The following STAR variants were observed in gnomAD, a reference collection of about 807,000 sequenced individuals.
STAR encodes the protein steroidogenic acute regulatory protein, mitochondrial.
A neutral mutation model predicts 32.3 loss-of-function variants in STAR; 32 were observed. The observed-to-expected ratio is 0.99, with a 90% confidence interval of 0.75 to 1.33. The LOEUF is 1.33. Ranked by LOEUF, STAR falls within the 40% of genes most tolerant of loss-of-function variation. The probability of loss-of-function intolerance (pLI) is 0.00; values close to 1 mark genes in which losing one functional copy is unlikely to be tolerated. For synonymous variants in STAR, 134 were observed against 140.5 expected, an observed-to-expected ratio of 0.95 and a Z score of 0.33; for missense variants, 375 against 379.0, an observed-to-expected ratio of 0.99 and a Z score of 0.09.
At chr8:38,150,288 A>G (rs1451986911) in intron 1 of STAR, among the ~76,000 whole-genome samples, 2 of 151,952 alleles carry the variant, frequency 1.3e-5, no homozygotes, top group African/African-American at 4.8e-5. Flanking sequence ...AGTCCCAGGT[A>G]CTCAAGAGGC....
Position 38,145,309 on chromosome 8 carries a change from C to T in STAR, c.657G>A (p.Glu219=), listed in dbSNP as rs747674158. ...GAAGCACCATGCAAGTGGGACCGTG[C>T]TCCGCCCTGGCAAATGGAGAAGTCA... The part of the protein sequence containing the change: ...MPEQKGVIRA[E]HGPTCMVLHP... The change falls in exon 6 of 7, where the codon GAG becomes GAA. Residue 219 remains glutamate, a synonymous_variant. Coordinates refer to ENST00000276449, the MANE Select transcript of STAR (RefSeq NM_000349.3). 1 of 1,614,160 alleles carries T rather than the reference C, an allele frequency of 6.2e-7. No homozygotes were observed. The highest frequency in any genetic ancestry group is 1.7e-5 in the Admixed American group (1 of 60,018).
At position 38,150,871 on chromosome 8, in the gene STAR, C is replaced by G; in HGVS notation, c.-53G>C. ...GGGTCGCTGCCGCTGCTGCTGCCGC[C>G]GCTGCTGCTGCCTCTTCTCTCAAGG... On this transcript the variant is annotated 5_prime_UTR_variant, in exon 1 of 7. Transcript: ENST00000276449. 1 of 1,600,676 alleles carries G rather than the reference C, an allele frequency of 6.2e-7. No individual in the cohort carries two copies. The highest frequency in any genetic ancestry group is 1.1e-5 in the South Asian group (1 of 91,044).
chr8:38,144,792 C>T (rs960947083), intron 6 of STAR: 34 of 599,374 alleles, frequency 5.7e-5, no homozygotes, highest in Middle Eastern at 6.8e-4. Flanking sequence ...AGGCAGATCA[C>T]GAGGTCAGGA....
chr8:38,145,582 C>G, intron 5 of STAR: 1 of 577,504 alleles, frequency 1.7e-6, no homozygotes, highest in Non-Finnish European at 3.1e-6. Flanking sequence ...GGAAAGGATT[C>G]AGGCTGGTGG....
In STAR at chr8:38,143,250, A is replaced by T. The variant is rs1264310951; in HGVS notation, c.*1023T>A. Among the ~76,000 whole-genome samples the T allele has an allele frequency of 2.0e-5, 3 of 152,058 alleles. No individual in the cohort carries two copies. The highest frequency in any genetic ancestry group is 7.2e-5 in the African/African-American group (3 of 41,418). On this transcript the variant is annotated 3_prime_UTR_variant, in exon 7 of 7. Coordinates refer to ENST00000276449, the MANE Select transcript of STAR (RefSeq NM_000349.3). Reference sequence around the variant, plus strand: ...AATGAGCCTTAATTTAGTTTGACTAATTAAAAGCTTTGTCCAGAACTCCTC... The same window carrying T: ...AATGAGCCTTAATTTAGTTTGACTATTTAAAAGCTTTGTCCAGAACTCCTC...
At chr8:38,149,336 G>A (rs906708776) in intron 1 of STAR, among the ~76,000 whole-genome samples, 2 of 152,198 alleles carry the variant, frequency 1.3e-5, no homozygotes, top group East Asian at 1.9e-4. Context: ...TCTAAAGGTA[G>A]CTAATTCAAT....
At chr8:38,149,766 G>A (rs1019191203) in intron 1 of STAR, among the ~76,000 whole-genome samples, 1 of 152,078 alleles carries the variant, frequency 6.6e-6, no homozygotes, top group African/African-American at 2.4e-5. Flanking sequence ...TTGAACCCAG[G>A]ACGCAGAGGC....
chr8:38,146,220 C>T (rs956165018), intron 4 of STAR, 69 bp downstream of exon 4: 8 of 1,613,486 alleles, frequency 5.0e-6, no homozygotes, highest in African/African-American at 1.3e-5. Context: ...GCTAGGGGTC[C>T]TCTCTTTGAT....
At position 38,145,306 on chromosome 8, in the gene STAR, G is replaced by C. The variant is rs184956116; in HGVS notation, c.660C>G (p.His220Gln). The change falls in exon 6 of 7, where the codon CAC becomes CAG. Residue 220 changes from histidine to glutamine, a missense_variant. Coordinates refer to ENST00000276449, the MANE Select transcript of STAR (RefSeq NM_000349.3). ...GGTGAAGCACCATGCAAGTGGGACC[G>C]TGCTCCGCCCTGGCAAATGGAGAAG... ...PEQKGVIRAE[H>Q]GPTCMVLHPL... 6.2e-7 allele frequency: 1 copy of C among 1,614,160 alleles called. No homozygotes were observed. Among genetic ancestry groups the C allele is most frequent in the South Asian group, 1.1e-5 (1 of 91,090 alleles).
intron 5 of STAR, 67 bp downstream of exon 5, chr8:38,145,895 CA>C: frequency 6.2e-7 from 1 of 1,602,112 alleles, no homozygotes; most frequent in Non-Finnish European, 8.5e-7. Flanking sequence ...ATGCAGTCCA[CA>C]TGCTTGGGTG....
chr8:38,148,544 G>T, intron 2 of STAR, 97 bp downstream of exon 2: 1 of 1,375,086 alleles, frequency 7.3e-7, no homozygotes, highest in Non-Finnish European at 1.0e-6. Context: ...TCAAAATGAA[G>T]GAATGGCAGG....
chr8:38,148,089 A>T, intron 3 of STAR, 111 bp downstream of exon 3: 3 of 1,452,798 alleles, frequency 2.1e-6, no homozygotes, highest in Non-Finnish European at 2.8e-6. Context: ...ACCACTTGCT[A>T]CCCAGTGACT....
chr8:38,148,915 G>A (rs1802624097), intron 1 of STAR, 161 bp from the exon 2 acceptor site: 3 of 647,198 alleles, frequency 4.6e-6, no homozygotes, highest in Middle Eastern at 3.1e-4. Flanking sequence ...CTAGAGCCAG[G>A]CCCTCAACTC....
In STAR at chr8:38,143,875, C is replaced by CA; in HGVS notation, c.*397dup. 1 of 333,448 alleles carries CA rather than the reference C, an allele frequency of 3.0e-6. No individual in the cohort carries two copies. 20.7% of individuals were successfully genotyped at this position (333,448 alleles called of 1,614,324 possible). ...ATTCTGCTTTGTGCACATGTACTGC[C>CA]AGCGCATGGCATTCTTGAGCCCATA... On this transcript the variant is annotated 3_prime_UTR_variant, in exon 7 of 7. Coordinates refer to ENST00000276449, the MANE Select transcript of STAR (RefSeq NM_000349.3).
rs978127643 is a variant in STAR at position 38,143,359 on chromosome 8, C to T, written c.*914G>A. Among the ~76,000 whole-genome samples, 5 of 146,992 alleles carry T rather than the reference C, an allele frequency of 3.4e-5. No individual in the cohort carries two copies. Among genetic ancestry groups the T allele is most frequent in the East Asian group, 4.1e-4 (2 of 4,864 alleles). ...TCTCACTCTGTCGCCCACGCTGGAG[C>T]GCAGTGGCACAATCTCGGCCCACTA... is the stretch of plus-strand genomic sequence containing the variant. On this transcript the variant is annotated 3_prime_UTR_variant, in exon 7 of 7. Transcript: ENST00000276449.
Position 38,148,677 on chromosome 8 carries a change from A to C in STAR, c.142T>G (p.Trp48Gly), listed in dbSNP as rs1269211398. Residue 48 changes from tryptophan to glycine, a missense_variant, in exon 2 of 7, where the codon TGG (tryptophan) becomes GGG (glycine). Transcript: ENST00000276449. Reference sequence around the variant, plus strand: ...CTCCGCCGCCGAACCTGGTTAATCCACGTGCTAGGGGTGGGGCCCCCCAGG... The same window carrying C: ...CTCCGCCGCCGAACCTGGTTAATCCCCGTGCTAGGGGTGGGGCCCCCCAGG... ...RALGGPTPST[W>G]INQVRRRSSL... 1.2e-6 allele frequency: 2 copies of C among 1,614,096 alleles called. No homozygotes were observed. The highest frequency in any genetic ancestry group is 1.7e-6 in the Non-Finnish European group (2 of 1,180,026).
intron 1 of STAR, chr8:38,149,161 G>T: frequency 4.2e-6 from 1 of 240,536 alleles, no homozygotes; most frequent in Non-Finnish European, 8.3e-6. Context: ...TGAGGTCTGT[G>T]TGCTTGCCAG....
intron 1 of STAR, among the ~76,000 whole-genome samples, chr8:38,149,864 C>T (rs937223851): frequency 6.6e-6 from 1 of 152,190 alleles, no homozygotes; most frequent in Non-Finnish European, 1.5e-5. Context: ...AGCGCCATGG[C>T]TCATGCCTAT....
chr8:38,144,083 C>G lies in STAR; in HGVS notation c.*190G>C. The G allele has an allele frequency of 1.6e-6, 1 of 636,832 alleles. No homozygotes were observed. Among genetic ancestry groups the G allele is most frequent in the Non-Finnish European group, 2.9e-6 (1 of 347,996 alleles). 39.4% of individuals were successfully genotyped at this position (636,832 alleles called of 1,614,324 possible). On this transcript the variant is annotated 3_prime_UTR_variant, in exon 7 of 7. Coordinates refer to ENST00000276449, the MANE Select transcript of STAR (RefSeq NM_000349.3). ...TGAAGTTACCTTTTAATCCAAGAGCCTCATCCCTGTTTTCTTGGTACTAAA... is the reference window on the plus strand; with the variant it reads ...TGAAGTTACCTTTTAATCCAAGAGCGTCATCCCTGTTTTCTTGGTACTAAA...
Sources: allele counts gnomAD v4.1 joint callset (sites outside exome capture counted in the v4.1 genomes callset), GRCh38; gene constraint gnomAD v4.1.1; transcripts MANE v1.5; gene names NCBI Gene and HGNC (gene_info 2026-07-23, HGNC 2026-07-21).